SYNJ2: variants seen among roughly 807,000 people sequenced by gnomAD.
SYNJ2 encodes synaptojanin 2, also known as polyphosphatidylinositol phosphatase SYNJ2.
SYNJ2 carries 116 observed loss-of-function variants against 141.3 expected under a neutral mutation model. The observed-to-expected ratio is 0.82, with a 90% CI of 0.71 to 0.96. The LOEUF (loss-of-function observed/expected upper bound fraction) is 0.96. Among genes scored for constraint, SYNJ2 ranks in the 40% least tolerant of loss-of-function variants. The pLI, the probability that SYNJ2 is intolerant of heterozygous loss-of-function variation, is 0.00. For missense variants in SYNJ2, 1,873 were observed against 1,934.8 expected, an observed-to-expected ratio of 0.97 and a Z score of 0.60; for synonymous variants, 745 against 777.7, an observed-to-expected ratio of 0.96 and a Z score of 0.70.
intron 2 of SYNJ2, among the ~76,000 whole-genome samples, chr6:158,024,289 G>A (rs1215360415): frequency 6.6e-6 from 1 of 152,114 alleles, no homozygotes; most frequent in Admixed American, 6.6e-5. Flanking sequence ...GCTGGGCATG[G>A]GGGCTCATGC....
At chr6:158,064,443 T>C (rs1781430420) in intron 9 of SYNJ2, among the ~76,000 whole-genome samples, 158 bp from the exon 10 acceptor site, 1 of 152,124 alleles carries the variant, frequency 6.6e-6, no homozygotes, top group Non-Finnish European at 1.5e-5. Flanking sequence ...ATGTGGGAAG[T>C]CACTCTCTGC....
At chr6:157,992,485 G>A (rs938476065) in intron 1 of SYNJ2, among the ~76,000 whole-genome samples, 6 of 145,518 alleles carry the variant, frequency 4.1e-5, no homozygotes, top group East Asian at 2.0e-4. Context: ...GTGCGATCTC[G>A]GCTCACTGCA....
chr6:158,026,370 C>A (rs544226869), intron 2 of SYNJ2, among the ~76,000 whole-genome samples: 1 of 152,206 alleles, frequency 6.6e-6, no homozygotes, highest in Non-Finnish European at 1.5e-5. Flanking sequence ...CCTCTCTGTG[C>A]GTCTGTTTCC....
chr6:158,054,394 A>G (rs1178163063), intron 5 of SYNJ2, among the ~76,000 whole-genome samples: 1 of 152,224 alleles, frequency 6.6e-6, no homozygotes, highest in Non-Finnish European at 1.5e-5. Flanking sequence ...GTCCTCATAC[A>G]GTTTGATGTT....
At chr6:158,033,269 T>C (rs1438888399) in intron 3 of SYNJ2, among the ~76,000 whole-genome samples, 186 bp from the exon 4 acceptor site, 2 of 152,208 alleles carry the variant, frequency 1.3e-5, no homozygotes, top group South Asian at 2.1e-4. Context: ...TGGGATCTCT[T>C]TGAAGCACAT....
chr6:158,044,124 C>G (rs1190367570), intron 5 of SYNJ2, among the ~76,000 whole-genome samples: 1 of 152,230 alleles, frequency 6.6e-6, no homozygotes, highest in Non-Finnish European at 1.5e-5. Flanking sequence ...CTTCAGAAAG[C>G]CTCTCGGCCA....
chr6:158,083,563 CTT>C lies in SYNJ2; in HGVS notation c.3002_3003del (p.Phe1001Ter). 1 of 1,614,176 alleles carries C rather than the reference CTT, an allele frequency of 6.2e-7. No individual in the cohort carries two copies. The highest frequency in any genetic ancestry group is 1.1e-5 in the South Asian group (1 of 91,076). On this transcript the variant is annotated frameshift_variant, in exon 21 of 27. Coordinates refer to ENST00000355585, the MANE Select transcript of SYNJ2 (RefSeq NM_003898.4). LOFTEE classifies it high-confidence loss of function. ...CCAACTCCTGTTTGCTGGAGGAAAA[CTT>C]TGACTTCACAAGTTTGGACTATGAG... ...TANSCLLEEN[F>X]DFTSLDYESE...
intron 6 of SYNJ2, 39 bp from the exon 7 acceptor site, chr6:158,059,218 C>A: frequency 6.6e-7 from 1 of 1,511,198 alleles, no homozygotes; most frequent in Admixed American, 2.0e-5. Context: ...TGCACCTGTG[C>A]CCGTGCCCAG....
chr6:158,037,821 C>G (rs899642879), intron 4 of SYNJ2, among the ~76,000 whole-genome samples: 1 of 152,226 alleles, frequency 6.6e-6, no homozygotes, highest in Non-Finnish European at 1.5e-5. Context: ...CACCCTGGGC[C>G]GCGGATGCTG....
intron 20 of SYNJ2, 73 bp from the exon 21 acceptor site, chr6:158,083,356 G>A (rs1782823074): frequency 1.3e-6 from 2 of 1,550,182 alleles, no homozygotes; most frequent in Admixed American, 1.8e-5. Context: ...GGGTTTTGGT[G>A]AGAAGCATTG....
chr6:158,042,007 G>A lies in SYNJ2; in HGVS notation c.712-1309G>A, dbSNP rs113870416. Among the ~76,000 whole-genome samples the A allele has an allele frequency of 8.7e-3, 1,323 of 152,344 alleles. 14 individuals are homozygous for A. Among genetic ancestry groups the A allele is most frequent in the African/African-American group, 0.026 (1,075 of 41,582 alleles). ...TGGGACCGTAGGCGTGAGTCACTGCGCCCAGCCTGGATATTGTTAAACATT... is the reference window on the plus strand; with the variant it reads ...TGGGACCGTAGGCGTGAGTCACTGCACCCAGCCTGGATATTGTTAAACATT... On this transcript the variant is annotated intron_variant, in intron 4 of 26. Coordinates refer to ENST00000355585, the MANE Select transcript of SYNJ2 (RefSeq NM_003898.4).
chr6:158,089,819 T>G lies in SYNJ2; in HGVS notation c.3457-20T>G. 6.3e-7 allele frequency: 1 copy of G among 1,596,308 alleles called. No individual in the cohort carries two copies. The highest frequency in any genetic ancestry group is 8.6e-7 in the Non-Finnish European group (1 of 1,165,072). On this transcript the variant is annotated intron_variant, in intron 24 of 26. Transcript: ENST00000355585. ...TCCTGCCTCTGCTGATACTCTGCTC[T>G]TCCTCATTCTGTCCTCAAGCCCAAG...
At position 158,029,141 on chromosome 6, in the gene SYNJ2, C is replaced by T. The variant is rs1217565936; in HGVS notation, c.485+115C>T. On this transcript the variant is annotated intron_variant, in intron 3 of 26. Transcript: ENST00000355585. Reference sequence around the variant, plus strand: ...TGCACCACCCCCGGGTTATGGGGCACCTCTGGAGAGTTAGGACCCAGGCCT... The same window carrying T: ...TGCACCACCCCCGGGTTATGGGGCATCTCTGGAGAGTTAGGACCCAGGCCT... The T allele has an allele frequency of 5.7e-6, 8 of 1,399,922 alleles. No individual in the cohort carries two copies. In the East Asian group the frequency reaches 1.6e-4, roughly 29 times the overall value. The allele number at this position is 1,399,922 out of a possible 1,614,324, so 86.7% of individuals were successfully genotyped here.
chr6:158,067,427 G>T (rs1781637265), intron 12 of SYNJ2: 1 of 984,712 alleles, frequency 1.0e-6, no homozygotes. Context: ...TGCTATTTAG[G>T]AATAAAATAA....
chr6:158,088,208 A>G (rs1195949462), intron 23 of SYNJ2, among the ~76,000 whole-genome samples: 1 of 151,458 alleles, frequency 6.6e-6, no homozygotes, highest in Non-Finnish European at 1.5e-5. Context: ...CTGCAGGCGC[A>G]TACCATCAGG....
At chr6:158,088,400 T>C (rs1783219125) in intron 23 of SYNJ2, among the ~76,000 whole-genome samples, 1 of 152,086 alleles carries the variant, frequency 6.6e-6, no homozygotes, top group African/African-American at 2.4e-5. Context: ...TCCCCCAAGA[T>C]GTTAAAGTTT....
rs1783789207 is a variant in SYNJ2, at chr6:158,096,156, C to T, written c.4283C>T (p.Thr1428Ile). The T allele has an allele frequency of 6.2e-7, 1 of 1,614,268 alleles. No individual in the cohort carries two copies. The highest frequency in any genetic ancestry group is 2.2e-5 in the East Asian group (1 of 44,894). Residue 1428 changes from threonine to isoleucine, a missense_variant, in exon 27 of 27, where the codon ACT (threonine) becomes ATT (isoleucine). By Grantham distance (89) the Thr-to-Ile change is moderately conservative. Coordinates refer to ENST00000355585, the MANE Select transcript of SYNJ2 (RefSeq NM_003898.4). ...LLHHPKLLNN[T>I]WLSKSSDPLD... ...CACCACCCTAAACTGTTGAATAACA[C>T]TTGGCTTTCTAAGAGCTCAGACCCT...
At chr6:158,063,674 A>C (rs1051678736) in intron 8 of SYNJ2, 117 bp from the exon 9 acceptor site, 8 of 617,782 alleles carry the variant, frequency 1.3e-5, no homozygotes, top group Non-Finnish European at 1.8e-5. Context: ...AAAAAAAAAA[A>C]AAAAAAAAAA....
chr6:158,057,885 C>A (rs1223466399), intron 6 of SYNJ2, among the ~76,000 whole-genome samples: 1 of 152,226 alleles, frequency 6.6e-6, no homozygotes, highest in African/African-American at 2.4e-5. Context: ...ACACAGCCCG[C>A]CCCAGGGCTG....
Sources: allele counts gnomAD v4.1 joint callset (sites outside exome capture counted in the v4.1 genomes callset), GRCh38; gene constraint gnomAD v4.1.1; transcripts MANE v1.5; gene names NCBI Gene and HGNC (gene_info 2026-07-23, HGNC 2026-07-21).